The following TMEM132B variants were observed in gnomAD, a reference collection of about 807,000 sequenced individuals.
TMEM132B encodes transmembrane protein 132B.
TMEM132B carries 18 observed loss-of-function variants against 90.8 expected under a neutral mutation model. That is an observed-to-expected ratio of 0.20 (90% CI 0.14 to 0.29). TMEM132B has a LOEUF of 0.29. Ranked by LOEUF, TMEM132B falls within the 10% of genes least tolerant of loss-of-function variation. The probability of loss-of-function intolerance (pLI) is 1.00; values close to 1 mark genes in which losing one functional copy is unlikely to be tolerated. For synonymous variants in TMEM132B, 504 were observed against 523.3 expected (o/e 0.96, Z 0.50); for missense variants, 1,096 against 1,326.8 (o/e 0.83, Z 2.70).
intron 4 of TMEM132B, among the ~76,000 whole-genome samples, chr12:125,559,268 A>T (rs1199412151): frequency 1.3e-5 from 2 of 152,130 alleles, no homozygotes; most frequent in Admixed American, 1.3e-4. Context: ...AGGAGGCTGA[A>T]GTGAGAGGAC....
chr12:125,547,472 G>A (rs370257997), intron 4 of TMEM132B, among the ~76,000 whole-genome samples: 4 of 151,990 alleles, frequency 2.6e-5, no homozygotes, highest in African/African-American at 9.7e-5. Context: ...TCTTTTGCTC[G>A]TTATTTTCAT....
At chr12:125,563,574 C>CAAAA (rs1424633907) in intron 4 of TMEM132B, among the ~76,000 whole-genome samples, 1 of 148,620 alleles carries the variant, frequency 6.7e-6, no homozygotes, top group Non-Finnish European at 1.5e-5. Flanking sequence ...CAAAAACAAA[C>CAAAA]AAACAAACAA....
In TMEM132B at chr12:125,334,425, G is replaced by A. The variant is rs117959143; in HGVS notation, c.68-15027G>A. On this transcript the variant is annotated intron_variant, in intron 1 of 8. Transcript: ENST00000682704. ...AGGAGCTAGGGGTTTTCTGATCTTC[G>A]CTGTTCCTTCTGTGCCTTCCTTTTC... is the stretch of plus-strand genomic sequence containing the variant. Among the ~76,000 whole-genome samples, 655 of 152,296 alleles carry A rather than the reference G, an allele frequency of 4.3e-3. 1 individual carries two copies. Among genetic ancestry groups the A allele is most frequent in the Non-Finnish European group, 7.1e-3 (483 of 68,034 alleles).
chr12:125,293,825 C>T (rs1040732144), intron 1 of TMEM132B, among the ~76,000 whole-genome samples: 3 of 152,206 alleles, frequency 2.0e-5, no homozygotes, highest in African/African-American at 7.2e-5. Flanking sequence ...TATGTCCCCT[C>T]CCCCTGAATT....
chr12:125,467,300 T>C lies in TMEM132B; in HGVS notation c.1106+51623T>C, dbSNP rs149798102. Among the ~76,000 whole-genome samples the C allele has an allele frequency of 1.6e-3, 243 of 152,176 alleles. 2 individuals are homozygous for C. Among genetic ancestry groups the C allele is most frequent in the African/African-American group, 5.6e-3 (232 of 41,514 alleles). On this transcript the variant is annotated intron_variant, in intron 3 of 8. Transcript: ENST00000682704. ...GATGGGGAAGTGGTGAAGCAAAGGT[T>C]CTGGGAATATTATTGAAGTTCCTGG...
intron 5 of TMEM132B, among the ~76,000 whole-genome samples, chr12:125,631,608 T>C (rs1195314390): frequency 6.6e-6 from 1 of 152,174 alleles, no homozygotes; most frequent in African/African-American, 2.4e-5. Flanking sequence ...CAGCTATTAT[T>C]GTATTGGAGT....
intron 4 of TMEM132B, among the ~76,000 whole-genome samples, chr12:125,568,275 G>C (rs1370118340): frequency 6.6e-6 from 1 of 152,172 alleles, no homozygotes; most frequent in Non-Finnish European, 1.5e-5. Context: ...CACATAGTAG[G>C]CATATATATT....
At chr12:125,337,353 C>T (rs1266747002) in intron 1 of TMEM132B, among the ~76,000 whole-genome samples, 1 of 152,126 alleles carries the variant, frequency 6.6e-6, no homozygotes, top group African/African-American at 2.4e-5. Context: ...TGGGTGTTCA[C>T]ATTTGGCAGG....
chr12:125,527,051 CT>C (rs1263853036), intron 4 of TMEM132B, among the ~76,000 whole-genome samples: 1 of 149,234 alleles, frequency 6.7e-6, no homozygotes, highest in Non-Finnish European at 1.5e-5. Context: ...CCCATCCACC[CT>C]TCCATCCACC....
chr12:125,401,551 G>A (rs1225698950), intron 2 of TMEM132B, among the ~76,000 whole-genome samples: 1 of 152,180 alleles, frequency 6.6e-6, no homozygotes, highest in African/African-American at 2.4e-5. Context: ...TGTGGGAGAG[G>A]CTTCCAGGCA....
At chr12:125,507,218 G>C (rs530999590) in intron 3 of TMEM132B, among the ~76,000 whole-genome samples, 1 of 152,164 alleles carries the variant, frequency 6.6e-6, no homozygotes, top group Non-Finnish European at 1.5e-5. Flanking sequence ...TTTACTTTGA[G>C]GTTCACAGAT....
chr12:125,385,887 A>G (rs1878816388), intron 2 of TMEM132B, among the ~76,000 whole-genome samples: 1 of 152,212 alleles, frequency 6.6e-6, no homozygotes, highest in South Asian at 2.1e-4. Flanking sequence ...TGATCTAATG[A>G]GACTTATATT....
chr12:125,296,212 C>T (rs1593073619), intron 1 of TMEM132B, among the ~76,000 whole-genome samples: 1 of 152,342 alleles, frequency 6.6e-6, no homozygotes, highest in East Asian at 1.9e-4. Context: ...CTGGGCTTCT[C>T]CTGATCCCAT....
At chr12:125,472,659 C>A (rs915812389) in intron 3 of TMEM132B, among the ~76,000 whole-genome samples, 1 of 152,004 alleles carries the variant, frequency 6.6e-6, no homozygotes, top group African/African-American at 2.4e-5. Flanking sequence ...AATGAGGGCC[C>A]CACCCTCATG....
At position 125,459,134 on chromosome 12, in the gene TMEM132B, G is replaced by A. The variant is rs1352187153; in HGVS notation, c.1106+43457G>A. Among the ~76,000 whole-genome samples, 1 of 152,202 alleles carries A rather than the reference G, an allele frequency of 6.6e-6. No homozygotes were observed. ...CCCCTGAGGCTCCCTGCTAATTGCT[G>A]TTTCTCATGTGTCCATGCCTGTGTG... On this transcript the variant is annotated intron_variant, in intron 3 of 8. Transcript: ENST00000682704. This position sits in a 1 kb window ranked among gnomAD's most constrained non-coding sequence, Gnocchi z 4.1.
Position 125,396,287 on chromosome 12 carries a change from C to T in TMEM132B, c.960-19244C>T, listed in dbSNP as rs550055664. ...TAGTTTTTCTCTAGTTCTCAGTCTT[C>T]CCCTGAAGCATTTTAGCACCAAAGG... On this transcript the variant is annotated intron_variant, in intron 2 of 8. Coordinates refer to ENST00000682704, the MANE Select transcript of TMEM132B (RefSeq NM_001366854.1). 4.6e-5 allele frequency among the ~76,000 whole-genome samples: 7 copies of T among 152,290 alleles called. No individual in the cohort carries two copies. In the East Asian group the frequency reaches 1.4e-3, roughly 29 times the overall value.
intron 2 of TMEM132B, among the ~76,000 whole-genome samples, chr12:125,414,265 A>G (rs1184952706): frequency 6.6e-6 from 1 of 152,176 alleles, no homozygotes; most frequent in East Asian, 1.9e-4. Flanking sequence ...CAATTTGCAT[A>G]TATTTTCTCC....
At chr12:125,589,823 A>G (rs1175062374) in intron 5 of TMEM132B, among the ~76,000 whole-genome samples, 1 of 152,034 alleles carries the variant, frequency 6.6e-6, no homozygotes, top group African/African-American at 2.4e-5. Context: ...TGATCCAATC[A>G]CCTTCCACCA....
chr12:125,315,388 G>A (rs927693324), intron 1 of TMEM132B, among the ~76,000 whole-genome samples: 4 of 152,100 alleles, frequency 2.6e-5, no homozygotes, highest in African/African-American at 4.8e-5. Flanking sequence ...TAGTAGAGAC[G>A]GGGTTTCACC....
Sources: gnomAD v4.1 joint callset for allele counts (sites outside exome capture counted in the v4.1 genomes callset) on GRCh38, gnomAD v4.1.1 for gene constraint, Gnocchi (gnomAD v3.1) non-coding constraint, MANE v1.5 for transcripts, NCBI Gene and HGNC (gene_info 2026-07-23, HGNC 2026-07-21) for gene names.